The following IMPG1 variants were observed in gnomAD, a reference collection of about 807,000 sequenced individuals.
The protein encoded by IMPG1 is interphotoreceptor matrix proteoglycan of 150 kDa.
Under a neutral mutation model 92.0 loss-of-function variants are expected in IMPG1, and 85 were observed. The ratio of observed to expected loss-of-function variants is 0.92; its 90% CI spans 0.78 to 1.11. The LOEUF is 1.11. Ranked by LOEUF, IMPG1 falls within the 50% of genes least tolerant of loss-of-function variation. The probability of loss-of-function intolerance (pLI) is 0.00; values close to 1 mark genes in which losing one functional copy is unlikely to be tolerated. For synonymous variants in IMPG1, 367 were observed against 334.1 expected (o/e 1.10, Z -1.08); for missense variants, 1,022 against 956.0 (o/e 1.07, Z -0.91).
chr6:75,988,056 A>G (rs1449668942), intron 12 of IMPG1, among the ~76,000 whole-genome samples: 1 of 152,170 alleles, frequency 6.6e-6, no homozygotes, highest in Non-Finnish European at 1.5e-5. Flanking sequence ...AGTCTTTGCT[A>G]TTGTGAATAG....
intron 12 of IMPG1, among the ~76,000 whole-genome samples, chr6:75,961,660 T>A (rs960791532): frequency 1.3e-5 from 2 of 152,190 alleles, no homozygotes; most frequent in African/African-American, 4.8e-5. Context: ...ACAGTTGTCA[T>A]TGAGAATATA....
At chr6:75,952,089 C>A (rs1463945511) in intron 12 of IMPG1, among the ~76,000 whole-genome samples, 1 of 152,026 alleles carries the variant, frequency 6.6e-6, no homozygotes, top group Non-Finnish European at 1.5e-5. Flanking sequence ...TTTTTTGGTA[C>A]AAAATGAAAA....
intron 5 of IMPG1, chr6:76,024,965 T>C: frequency 1.7e-6 from 1 of 583,252 alleles, no homozygotes; most frequent in Non-Finnish European, 3.2e-6. Context: ...ATGATGGTTG[T>C]TTCCAAACTG....
chr6:76,006,208 C>T (rs569532218), intron 9 of IMPG1, among the ~76,000 whole-genome samples: 7 of 151,882 alleles, frequency 4.6e-5, no homozygotes, highest in African/African-American at 1.7e-4. Flanking sequence ...TAAGTCATGC[C>T]GTGCCAATCA....
At chr6:75,962,649 G>C (rs931454594) in intron 12 of IMPG1, among the ~76,000 whole-genome samples, 13 of 152,292 alleles carry the variant, frequency 8.5e-5, no homozygotes, top group South Asian at 8.3e-4. Context: ...AAAAGTCCTA[G>C]AGAGTAGCTG....
intron 15 of IMPG1, among the ~76,000 whole-genome samples, chr6:75,927,478 A>G (rs765628582): frequency 1.3e-5 from 2 of 152,134 alleles, no homozygotes; most frequent in Admixed American, 6.5e-5. Flanking sequence ...GAAATAACTG[A>G]TGGGAGGAGA....
At chr6:76,052,488 G>A (rs1784060316) in intron 1 of IMPG1, among the ~76,000 whole-genome samples, 2 of 152,312 alleles carry the variant, frequency 1.3e-5, no homozygotes, top group African/African-American at 4.8e-5. Flanking sequence ...ACCTGCAGAG[G>A]TGCTGTTCCT....
chr6:76,050,229 C>T (rs1853937), intron 1 of IMPG1, among the ~76,000 whole-genome samples: 10 of 151,842 alleles, frequency 6.6e-5, no homozygotes, highest in South Asian at 2.1e-4. Flanking sequence ...CACTTAAGGC[C>T]GGGAGTTCGA....
chr6:76,051,581 T>A (rs981888217), intron 1 of IMPG1, among the ~76,000 whole-genome samples: 3 of 152,176 alleles, frequency 2.0e-5, no homozygotes, highest in Non-Finnish European at 4.4e-5. Context: ...AAACTTGTAG[T>A]TATTTCTTTT....
intron 12 of IMPG1, among the ~76,000 whole-genome samples, chr6:75,954,270 A>T (rs1042304034): frequency 3.9e-5 from 6 of 152,142 alleles, no homozygotes; most frequent in African/African-American, 1.4e-4. Flanking sequence ...CCTCTGCAGC[A>T]TCTGTTGTTT....
chr6:75,951,205 T>C (rs1782025758), intron 12 of IMPG1, 111 bp from the exon 13 acceptor site: 21 of 781,196 alleles, frequency 2.7e-5, no homozygotes, highest in Non-Finnish European at 6.1e-6. Context: ...AGCATTTGCG[T>C]AGATCATTTC....
At chr6:75,980,750 G>A (rs1782613481) in intron 12 of IMPG1, among the ~76,000 whole-genome samples, 1 of 152,220 alleles carries the variant, frequency 6.6e-6, no homozygotes, top group Admixed American at 6.5e-5. Context: ...AACTCGGGCT[G>A]TCTTCCTTGC....
At chr6:75,942,893 A>G (rs188097905) in intron 14 of IMPG1, among the ~76,000 whole-genome samples, 76 of 152,382 alleles carry the variant, frequency 5.0e-4, no homozygotes, top group African/African-American at 1.8e-3. Context: ...AAAATTGTAT[A>G]GGAGTACTGA....
chr6:75,974,452 C>CCTTCCTTCCTTCCTTCCTTCCTTCCTTG (rs1782499689), intron 12 of IMPG1, among the ~76,000 whole-genome samples: 3 of 123,742 alleles, frequency 2.4e-5, no homozygotes, highest in East Asian at 4.6e-4. Context: ...TTCCTTCCTT[C>CCTTCCTTCCTTCCTTCCTTCCTTCCTTG]TTTCTTCTTT....
intron 7 of IMPG1, among the ~76,000 whole-genome samples, chr6:76,017,460 A>G (rs2149481840): frequency 6.6e-6 from 1 of 152,318 alleles, no homozygotes; most frequent in East Asian, 1.9e-4. Context: ...AAATAGAAAT[A>G]TTATATAAAG....
intron 12 of IMPG1, among the ~76,000 whole-genome samples, chr6:75,972,837 T>C (rs1163809149): frequency 6.6e-6 from 1 of 152,224 alleles, no homozygotes; most frequent in Non-Finnish European, 1.5e-5. Flanking sequence ...GTTGCATTTA[T>C]GGCTATCTTA....
intron 14 of IMPG1, among the ~76,000 whole-genome samples, chr6:75,945,444 G>T (rs1447326195): frequency 6.6e-6 from 1 of 150,392 alleles, no homozygotes; most frequent in Non-Finnish European, 1.5e-5. Flanking sequence ...TCTGCCTTCC[G>T]GGTTCAAGCG....
chr6:76,037,540 C>T (rs1232684257), intron 2 of IMPG1, among the ~76,000 whole-genome samples: 1 of 152,194 alleles, frequency 6.6e-6, no homozygotes, highest in African/African-American at 2.4e-5. Context: ...CAAGCCGTCT[C>T]TGACCCTTCA....
chr6:76,034,437 C>T (rs1783700592), intron 3 of IMPG1, 94 bp from the exon 4 acceptor site: 6 of 1,281,440 alleles, frequency 4.7e-6, no homozygotes, highest in African/African-American at 1.5e-5. Flanking sequence ...CCTTAACCTA[C>T]ACTTCAACCT....
Sources: gnomAD v4.1 joint callset for allele counts (sites outside exome capture counted in the v4.1 genomes callset) on GRCh38, gnomAD v4.1.1 for gene constraint, MANE v1.5 for transcripts, NCBI Gene and HGNC (gene_info 2026-07-23, HGNC 2026-07-21) for gene names.